DISC1: variants seen among roughly 807,000 people sequenced by gnomAD.
DISC1 encodes DISC1 scaffold protein.
A neutral mutation model predicts 84.5 loss-of-function variants in DISC1; 57 were observed. The ratio of observed to expected loss-of-function variants is 0.67; its 90% CI spans 0.55 to 0.84. The LOEUF (loss-of-function observed/expected upper bound fraction) is 0.84. DISC1 is among the 40% of genes least tolerant of loss of function. The probability of loss-of-function intolerance (pLI) is 0.00; values close to 1 mark genes in which losing one functional copy is unlikely to be tolerated. For missense variants in DISC1, 1,000 were observed against 1,057.8 expected, an observed-to-expected ratio of 0.95 and a Z score of 0.76; for synonymous variants, 411 against 415.2, an observed-to-expected ratio of 0.99 and a Z score of 0.12.
intron 9 of DISC1, among the ~76,000 whole-genome samples, chr1:231,901,746 T>C (rs1390195689): frequency 6.6e-6 from 1 of 152,250 alleles, no homozygotes; most frequent in Non-Finnish European, 1.5e-5. Context: ...ATTATATATT[T>C]AATCATGCAG....
At chr1:231,723,110 C>T (rs550333360) in intron 3 of DISC1, 48 of 983,690 alleles carry the variant, frequency 4.9e-5, no homozygotes, top group Middle Eastern at 5.2e-4. Context: ...CAGAAATCCA[C>T]GTGTACTCAA....
chr1:231,679,384 T>G (rs201063249), intron 1 of DISC1, among the ~76,000 whole-genome samples: 436 of 152,314 alleles, frequency 2.9e-3, no homozygotes, highest in Non-Finnish European at 4.4e-3. Context: ...ATGGCCCTGA[T>G]CTGAGAGTTT....
chr1:231,959,127 G>A (rs199692263), intron 10 of DISC1: 1 of 1,199,262 alleles, frequency 8.3e-7, no homozygotes, highest in Non-Finnish European at 1.0e-6. Context: ...TCACAGGAGA[G>A]TTTTCATGTT....
Position 231,718,624 on chromosome 1 carries a change from C to T in DISC1, c.1117+16600C>T, listed in dbSNP as rs151040078. Among the ~76,000 whole-genome samples the T allele has an allele frequency of 4.7e-3, 722 of 152,076 alleles. 10 individuals carry two copies. The highest frequency in any genetic ancestry group is 0.031 in the East Asian group (162 of 5,166). On this transcript the variant is annotated intron_variant, in intron 3 of 12. Coordinates refer to ENST00000439617, the MANE Select transcript of DISC1 (RefSeq NM_018662.3). ...GCAAATTTTCTATTTTTAGTAGAGA[C>T]GGGGTTTCTCCATGTTGGCCAGGCT... is the stretch of plus-strand genomic sequence containing the variant.
intron 9 of DISC1, among the ~76,000 whole-genome samples, chr1:231,881,914 A>T (rs1164741820): frequency 2.0e-5 from 3 of 152,200 alleles, no homozygotes; most frequent in East Asian, 3.9e-4. Context: ...CACAGGTCTG[A>T]TTTTCCACTC....
At chr1:231,975,636 C>A (rs1461568589) in intron 10 of DISC1, among the ~76,000 whole-genome samples, 4 of 152,054 alleles carry the variant, frequency 2.6e-5, no homozygotes, top group Non-Finnish European at 2.9e-5. Flanking sequence ...AATACAAATG[C>A]ATAAAAAGAA....
intron 9 of DISC1, among the ~76,000 whole-genome samples, chr1:231,831,281 T>C (rs142012326): frequency 0.015 from 2,328 of 152,208 alleles, 46 homozygotes; most frequent in African/African-American, 0.051. Flanking sequence ...TCCTGGAGGA[T>C]AGATTTCCAG....
At chr1:231,857,519 C>T (rs1173689649) in intron 9 of DISC1, among the ~76,000 whole-genome samples, 1 of 152,112 alleles carries the variant, frequency 6.6e-6, no homozygotes, top group Non-Finnish European at 1.5e-5. Context: ...CACCATGGGC[C>T]TCAGTTTCCT....
At position 231,969,598 on chromosome 1, in the gene DISC1, CTTT is replaced by C. The variant is rs59866510; in HGVS notation, c.2042+10722_2042+10724del. On this transcript the variant is annotated intron_variant, in intron 10 of 12. Coordinates refer to ENST00000439617, the MANE Select transcript of DISC1 (RefSeq NM_018662.3). ...AATATACTTGTTTCTTTCTTTCTTTCTTTTTTTTTTTTTTATTATACTTTAAGT... is the reference window on the plus strand; with the variant it reads ...AATATACTTGTTTCTTTCTTTCTTTCTTTTTTTTTTTATTATACTTTAAGT... Among the ~76,000 whole-genome samples the C allele has an allele frequency of 1.6e-3, 197 of 126,338 alleles. 1 individual carries two copies. The highest frequency in any genetic ancestry group is 5.0e-3 in the Admixed American group (68 of 13,652). The allele number at this position is 126,338 out of a possible 152,430, so 82.9% of individuals were successfully genotyped here.
Position 232,038,365 on chromosome 1 carries a change from C to G in DISC1, c.*1534C>G, listed in dbSNP as rs1193418404. On this transcript the variant is annotated 3_prime_UTR_variant, in exon 13 of 13. Coordinates refer to ENST00000439617, the MANE Select transcript of DISC1 (RefSeq NM_018662.3). ...GGCTGATTTCAATTAGGCAGCACTT[C>G]CCAAAGTGCACTGAGGAAGGTGGCC... The G allele has an allele frequency of 6.6e-6, 1 of 152,124 alleles. No homozygotes were observed. The highest frequency in any genetic ancestry group is 2.4e-5 in the African/African-American group (1 of 41,424). 9.4% of individuals were successfully genotyped at this position (152,124 alleles called of 1,614,324 possible). A position where few individuals can be genotyped will look rare whatever the true frequency, so the allele number is the denominator to read the frequency against.
At chr1:231,717,053 T>C (rs112242529) in intron 3 of DISC1, among the ~76,000 whole-genome samples, 28 of 152,094 alleles carry the variant, frequency 1.8e-4, no homozygotes, top group African/African-American at 6.5e-4. Flanking sequence ...AGCTCTGCAG[T>C]TTGTGTTTGG....
chr1:231,904,352 C>G (rs2088455344), intron 9 of DISC1, among the ~76,000 whole-genome samples: 1 of 152,090 alleles, frequency 6.6e-6, no homozygotes, highest in Non-Finnish European at 1.5e-5. Context: ...AACAATTTAG[C>G]AATTTAGTCC....
At chr1:231,785,626 G>T (rs2077793572) in intron 6 of DISC1, among the ~76,000 whole-genome samples, 1 of 152,016 alleles carries the variant, frequency 6.6e-6, no homozygotes, top group African/African-American at 2.4e-5. Flanking sequence ...GGCCCAAGTG[G>T]CGCCTGTGCT....
At chr1:231,848,290 T>C (rs2083607620) in intron 9 of DISC1, among the ~76,000 whole-genome samples, 1 of 152,110 alleles carries the variant, frequency 6.6e-6, no homozygotes, top group South Asian at 2.1e-4. Context: ...GCAGGGATTA[T>C]ACTGTATTCA....
chr1:231,894,366 T>C (rs2087508094), intron 9 of DISC1, among the ~76,000 whole-genome samples: 1 of 152,238 alleles, frequency 6.6e-6, no homozygotes, highest in Non-Finnish European at 1.5e-5. Flanking sequence ...AGTGTTGTTC[T>C]TTTTAATTAA....
At chr1:231,673,934 C>G (rs1486713658) in intron 1 of DISC1, among the ~76,000 whole-genome samples, 1 of 152,180 alleles carries the variant, frequency 6.6e-6, no homozygotes, top group African/African-American at 2.4e-5. Context: ...AAGACATGTG[C>G]ATTTATCCCA....
chr1:231,991,152 T>C (rs1558814230), intron 10 of DISC1, among the ~76,000 whole-genome samples: 1 of 152,228 alleles, frequency 6.6e-6, no homozygotes, highest in Admixed American at 6.5e-5. Flanking sequence ...TTATTGTCTC[T>C]CTAACTCTTT....
intron 9 of DISC1, among the ~76,000 whole-genome samples, chr1:231,955,402 A>G (rs537102511): frequency 1.3e-5 from 2 of 150,642 alleles, no homozygotes; most frequent in East Asian, 3.9e-4. Context: ...AACCCATTTC[A>G]CTTCTCATTC....
In DISC1 at chr1:231,780,864, C is replaced by G. The variant is rs540751407; in HGVS notation, c.1634+9794C>G. On this transcript the variant is annotated intron_variant, in intron 6 of 12. Transcript: ENST00000439617. ...GATGAGTTCATGTCCTTTGTAGGGACATGGATGAAATTGGAAATCATCATT... is the reference window on the plus strand; with the variant it reads ...GATGAGTTCATGTCCTTTGTAGGGAGATGGATGAAATTGGAAATCATCATT... Among the ~76,000 whole-genome samples, 82 of 109,362 alleles carry G rather than the reference C, an allele frequency of 7.5e-4. No individual in the cohort carries two copies. In the South Asian group the frequency reaches 0.015, roughly 20 times the overall value. 71.7% of individuals were successfully genotyped at this position (109,362 alleles called of 152,430 possible).
Sources: allele counts gnomAD v4.1 joint callset (sites outside exome capture counted in the v4.1 genomes callset), GRCh38; gene constraint gnomAD v4.1.1; transcripts MANE v1.5; gene names NCBI Gene and HGNC (gene_info 2026-07-23, HGNC 2026-07-21).